The following MAP3K14 variants were observed in gnomAD, a reference collection of about 807,000 sequenced individuals.
MAP3K14 encodes the protein NF-kappa-beta-inducing kinase.
A neutral mutation model predicts 99.2 loss-of-function variants in MAP3K14; 16 were observed. The ratio of observed to expected loss-of-function variants is 0.16; its 90% CI spans 0.11 to 0.24. The LOEUF is 0.24. MAP3K14 is among the 10% of genes least tolerant of loss of function. The probability of loss-of-function intolerance (pLI) is 1.00; values close to 1 mark genes in which losing one functional copy is unlikely to be tolerated. For synonymous variants in MAP3K14, 462 were observed against 492.4 expected (o/e 0.94, Z 0.82); for missense variants, 784 against 1,208.7 (o/e 0.65, Z 5.21).
chr17:45,286,987 G>T lies in MAP3K14; in HGVS notation c.596C>A (p.Pro199His). The T allele has an allele frequency of 6.2e-7, 1 of 1,614,032 alleles. No homozygotes were observed. Among genetic ancestry groups the T allele is most frequent in the Non-Finnish European group, 8.5e-7 (1 of 1,179,886 alleles). ...TTGCCCAAGGCCTGGTTCCTTCAGA[G>T]GCTTGGTGAACTGCGGGGTGTTTCT... ...YVRNTPQFTK[P>H]LKEPGLGQLC... Residue 199 changes from proline (P) to histidine (H), a missense_variant, in exon 5 of 16, where the codon CCT becomes CAT. By Grantham distance (77) the Pro-to-His change is moderately conservative (BLOSUM62 -2). Transcript: ENST00000344686. The surrounding 1 kb of genome is among the most constrained non-coding windows in gnomAD (Gnocchi z 4.1).
At position 45,267,798 on chromosome 17, in the gene MAP3K14, T is replaced by C. The variant is rs753305213; in HGVS notation, c.1973-39A>G. On this transcript the variant is annotated intron_variant, in intron 11 of 15. Coordinates refer to ENST00000344686, the MANE Select transcript of MAP3K14 (RefSeq NM_003954.5). This position sits in a 1 kb window ranked among gnomAD's most constrained non-coding sequence, Gnocchi z 5.1. ...AGTACAATGGTGAGGGGAAGCGTGC[T>C]GTGCACAGACAGCGGTCCAGGCAGG... The C allele has an allele frequency of 2.6e-6, 4 of 1,560,490 alleles. No individual in the cohort carries two copies. Among genetic ancestry groups the C allele is most frequent in the African/African-American group, 1.4e-5 (1 of 73,240 alleles).
At chr17:45,299,233 C>T (rs1259093257) in intron 1 of MAP3K14, among the ~76,000 whole-genome samples, 1 of 152,054 alleles carries the variant, frequency 6.6e-6, no homozygotes, top group Non-Finnish European at 1.5e-5. Flanking sequence ...GGTAAAGTTC[C>T]AGATGGCAGA....
chr17:45,311,934 T>C (rs1184850540), intron 1 of MAP3K14, among the ~76,000 whole-genome samples: 1 of 152,174 alleles, frequency 6.6e-6, no homozygotes, highest in East Asian at 1.9e-4. Context: ...TCAGTGACAC[T>C]GCTGATCTGG....
chr17:45,309,975 G>C (rs1463236813), intron 1 of MAP3K14, among the ~76,000 whole-genome samples: 1 of 151,340 alleles, frequency 6.6e-6, no homozygotes, highest in Non-Finnish European at 1.5e-5. Flanking sequence ...TGTTGGGCAG[G>C]ACTCAAGGAG....
At chr17:45,303,197 C>T (rs1202555900) in intron 1 of MAP3K14, among the ~76,000 whole-genome samples, 1 of 152,192 alleles carries the variant, frequency 6.6e-6, no homozygotes, top group Non-Finnish European at 1.5e-5. Flanking sequence ...TCTGGGAAAC[C>T]CAAGGGAGGA....
At chr17:45,288,873 C>G (rs1248051983) in intron 3 of MAP3K14, among the ~76,000 whole-genome samples, 3 of 152,036 alleles carry the variant, frequency 2.0e-5, no homozygotes, top group Non-Finnish European at 4.4e-5. Context: ...AGTGGAAGGC[C>G]CCCCCCACCA....
In MAP3K14 at chr17:45,263,681, G is replaced by A. The variant is rs2044039457; in HGVS notation, c.*955C>T. 6.5e-6 allele frequency: 1 copy of A among 152,730 alleles called. No individual in the cohort carries two copies. The highest frequency in any genetic ancestry group is 1.5e-5 in the Non-Finnish European group (1 of 68,156). The allele number at this position is 152,730 out of a possible 1,614,324, so 9.5% of individuals were successfully genotyped here. A position where few individuals can be genotyped will look rare whatever the true frequency, so the allele number is the denominator to read the frequency against. ...AGGGCAGGGTGAGTGTCAGTGTGAT[G>A]CTGAGCTGTGCTCTGGGGAACCAGC... On this transcript the variant is annotated 3_prime_UTR_variant, in exon 16 of 16. Transcript: ENST00000344686.
intron 1 of MAP3K14, among the ~76,000 whole-genome samples, chr17:45,301,311 A>G (rs1019967020): frequency 1.3e-5 from 2 of 151,988 alleles, no homozygotes; most frequent in Non-Finnish European, 2.9e-5. Flanking sequence ...TAAAAATACA[A>G]AATTAGCCAG....
intron 14 of MAP3K14, 150 bp from the exon 15 acceptor site, chr17:45,265,413 A>C (rs2044070252): frequency 4.8e-6 from 3 of 626,012 alleles, no homozygotes; most frequent in Admixed American, 2.7e-5. Context: ...CAGCAGAGAT[A>C]AAATTTAGGC....
At position 45,273,600 on chromosome 17, in the gene MAP3K14, G is replaced by A. The variant is rs369325118; in HGVS notation, c.1560C>T (p.Asn520=). Residue 520 remains asparagine (N), a synonymous_variant, in exon 9 of 16, where the codon AAC becomes AAT. Coordinates refer to ENST00000344686, the MANE Select transcript of MAP3K14 (RefSeq NM_003954.5). The part of the protein sequence containing the change: ...RILHGDVKAD[N]VLLSSDGSHA... Reference sequence around the variant, plus strand: ...GGCTCCCATCGCTGGACAGGAGCACGTTGTCAGCTGCCAGGCCGCCCCGGG... The same window carrying A: ...GGCTCCCATCGCTGGACAGGAGCACATTGTCAGCTGCCAGGCCGCCCCGGG... 7.6e-5 allele frequency: 122 copies of A among 1,611,824 alleles called. 1 individual carries two copies. The highest frequency in any genetic ancestry group is 9.2e-5 in the Non-Finnish European group (108 of 1,179,012).
Position 45,283,381 on chromosome 17 carries a change from C to T in MAP3K14, c.1290+1431G>A, listed in dbSNP as rs944939048. On this transcript the variant is annotated intron_variant, in intron 6 of 15. Transcript: ENST00000344686. Reference sequence around the variant, plus strand: ...GCAAGAACTCAGCACGCACTCAGCACGTGTTGCCAGTCAGGGGTGGTGAGG... The same window carrying T: ...GCAAGAACTCAGCACGCACTCAGCATGTGTTGCCAGTCAGGGGTGGTGAGG... Among the ~76,000 whole-genome samples the T allele has an allele frequency of 2.6e-5, 4 of 152,232 alleles. No individual in the cohort carries two copies. The East Asian group carries it at 7.7e-4, about 29-fold the overall frequency.
rs568415751 is a variant in MAP3K14 at position 45,265,157 on chromosome 17, C to T, written c.2679+6G>A. ...CTGCCCGTCAGAGTGTACCTGCCCC[C>T]CTTACCTGGCTGCTGATGCCAGTGG... On this transcript the variant is annotated splice_donor_region_variant and intron_variant, in intron 15 of 15. Transcript: ENST00000344686. The T allele has an allele frequency of 1.9e-6, 3 of 1,611,882 alleles. No homozygotes were observed. The highest frequency in any genetic ancestry group is 1.3e-5 in the African/African-American group (1 of 75,022).
chr17:45,303,878 G>T (rs1423573929), intron 1 of MAP3K14, among the ~76,000 whole-genome samples: 1 of 151,616 alleles, frequency 6.6e-6, no homozygotes, highest in Non-Finnish European at 1.5e-5. Flanking sequence ...CACCGTGCCT[G>T]GCCTAGTTTG....
At chr17:45,274,719 G>T (rs1426472817) in intron 6 of MAP3K14, 126 bp from the exon 7 acceptor site, 5 of 1,165,714 alleles carry the variant, frequency 4.3e-6, no homozygotes, top group East Asian at 2.5e-5. Flanking sequence ...TGATGCAGGG[G>T]CCTGGGGGGC....
intron 1 of MAP3K14, among the ~76,000 whole-genome samples, chr17:45,302,988 G>A (rs901374070): frequency 3.3e-5 from 5 of 152,210 alleles, no homozygotes; most frequent in African/African-American, 1.2e-4. Flanking sequence ...CAGAAGATGC[G>A]GACTGTTTCC....
chr17:45,290,892 C>T (rs2044304968), intron 1 of MAP3K14, 127 bp from the exon 2 acceptor site: 3 of 818,692 alleles, frequency 3.7e-6, no homozygotes, highest in African/African-American at 1.7e-5. Context: ...GCCTCTGCCA[C>T]ACATACTCAT....
intron 1 of MAP3K14, among the ~76,000 whole-genome samples, chr17:45,291,564 C>T (rs528790519): frequency 2.0e-5 from 3 of 152,348 alleles, no homozygotes; most frequent in Middle Eastern, 3.4e-3. Flanking sequence ...GAATTCACGT[C>T]TCTCTGGGTT....
rs1391454212 is a variant in MAP3K14 at position 45,267,306 on chromosome 17, C to T, written c.2326+100G>A. 2.4e-5 allele frequency: 35 copies of T among 1,433,342 alleles called. No individual in the cohort carries two copies. Among genetic ancestry groups the T allele is most frequent in the Non-Finnish European group, 9.6e-7 (1 of 1,042,004 alleles). 88.8% of individuals were successfully genotyped at this position (1,433,342 alleles called of 1,614,324 possible). Reference sequence around the variant, plus strand: ...AGAAGCTGAGCTGCTGGGGAAGGGGCTGGAAGAAAGCCCACACCGCAGGTA... The same window carrying T: ...AGAAGCTGAGCTGCTGGGGAAGGGGTTGGAAGAAAGCCCACACCGCAGGTA... On this transcript the variant is annotated intron_variant, in intron 12 of 15. Coordinates refer to ENST00000344686, the MANE Select transcript of MAP3K14 (RefSeq NM_003954.5). This position sits in a 1 kb window ranked among gnomAD's most constrained non-coding sequence, Gnocchi z 5.1.
intron 6 of MAP3K14, among the ~76,000 whole-genome samples, chr17:45,277,301 C>T (rs1292047104): frequency 6.6e-6 from 1 of 152,104 alleles, no homozygotes; most frequent in Non-Finnish European, 1.5e-5. Context: ...TATTCCTCCC[C>T]CCTCCCCGCT....
Sources: allele counts gnomAD v4.1 joint callset (sites outside exome capture counted in the v4.1 genomes callset), GRCh38; gene constraint gnomAD v4.1.1; non-coding constraint Gnocchi (gnomAD v3.1); transcripts MANE v1.5; gene names NCBI Gene and HGNC (gene_info 2026-07-23, HGNC 2026-07-21).